Variants in PLXNB1 observed in about 807,000 individuals in gnomAD.
The protein encoded by PLXNB1 is plexin B1, also known as plexin-B1.
PLXNB1 carries 106 observed loss-of-function variants against 209.4 expected under a neutral mutation model. The ratio of observed to expected loss-of-function variants is 0.51; its 90% CI spans 0.43 to 0.59. The LOEUF is 0.59. PLXNB1 is among the 20% of genes least tolerant of loss of function. The pLI, the probability that PLXNB1 is intolerant of heterozygous loss-of-function variation, is 0.00. For synonymous variants in PLXNB1, 1,167 were observed against 1,183.2 expected (o/e 0.99, Z 0.28); for missense variants, 2,357 against 2,853.2 (o/e 0.83, Z 3.96).
Position 48,412,271 on chromosome 3 carries a change from G to A in PLXNB1, c.5067C>T (p.Asn1689=), listed in dbSNP as rs774476892. 1 of 1,614,128 alleles carries A rather than the reference G, an allele frequency of 6.2e-7. No individual in the cohort carries two copies. Among genetic ancestry groups the A allele is most frequent in the East Asian group, 2.2e-5 (1 of 44,888 alleles). Residue 1689 remains asparagine, a synonymous_variant, in exon 27 of 38, where the codon AAC becomes AAT. Transcript: ENST00000296440. ...TETVVEKLLT[N]WMSICLYTFV... ...AGGTATACAGACAGATGGACATCCA[G>A]TTGGTGAGCAGCTTCTCCACCACAG...
chr3:48,427,924 G>A (rs2038979775), intron 1 of PLXNB1, among the ~76,000 whole-genome samples: 1 of 152,202 alleles, frequency 6.6e-6, no homozygotes, highest in African/African-American at 2.4e-5. Flanking sequence ...TACAATGGGA[G>A]GCAGGATTGC....
chr3:48,405,786 C>G lies in PLXNB1; in HGVS notation c.6241G>C (p.Asp2081His), dbSNP rs878874761. Residue 2081 changes from aspartate (D) to histidine (H), a missense_variant, in exon 37 of 38, where the codon GAC becomes CAC. Asp to His is a moderately conservative substitution (Grantham distance 81). Transcript: ENST00000296440. This position sits in a 1 kb window ranked among gnomAD's most constrained non-coding sequence, Gnocchi z 5.0. Reference sequence around the variant, plus strand: ...TGCAGGGCCACTCGCGCCCCGAGGTCTCCGGAGTAGTTCTAGGGAAGAGGC... The same window carrying G: ...TGCAGGGCCACTCGCGCCCCGAGGTGTCCGGAGTAGTTCTAGGGAAGAGGC... ...LAELSWNYSG[D>H]LGARVALHEL... 9 of 1,613,532 alleles carry G rather than the reference C, an allele frequency of 5.6e-6. No homozygotes were observed. The highest frequency in any genetic ancestry group is 3.3e-5 in the South Asian group (3 of 91,042).
rs888089574 is a variant in PLXNB1 at position 48,429,541 on chromosome 3, G to T, written c.-60+467C>A. ...GCCCGGGCCAGGCCGGAAGCAGCCC[G>T]GAGAGCCGGGCGCGCGGCCCCGAAC... is the stretch of plus-strand genomic sequence containing the variant. On this transcript the variant is annotated intron_variant, in intron 1 of 37. Coordinates refer to ENST00000296440, the MANE Select transcript of PLXNB1 (RefSeq NM_001130082.3). The surrounding 1 kb of genome is among the most constrained non-coding windows in gnomAD (Gnocchi z 6.4). 1.3e-5 allele frequency: 2 copies of T among 151,290 alleles called. No homozygotes were observed. Among genetic ancestry groups the T allele is most frequent in the African/African-American group, 4.8e-5 (2 of 41,302 alleles). The allele number at this position is 151,290 out of a possible 1,614,324, so 9.4% of individuals were successfully genotyped here.
rs1004137240 is a variant in PLXNB1 at position 48,417,568 on chromosome 3, C to T, written c.3374+343G>A. On this transcript the variant is annotated intron_variant, in intron 16 of 37. Transcript: ENST00000296440. This position sits in a 1 kb window ranked among gnomAD's most constrained non-coding sequence, Gnocchi z 4.4. ...GAGTGAGCTGGTGAGAAGGCCAGCC[C>T]CTGAGCTTATCTGTCTGATCTGAGG... Among the ~76,000 whole-genome samples the T allele has an allele frequency of 2.6e-5, 4 of 152,158 alleles. No homozygotes were observed. The highest frequency in any genetic ancestry group is 9.7e-5 in the African/African-American group (4 of 41,442).
rs368207595 is a variant in PLXNB1, at chr3:48,415,370, G to T, written c.3795-23C>A. ...CCACTGAAACAGACCGTGAGCTTAC[G>T]TAACGTAAGATGGCTTATGTTACCT... On this transcript the variant is annotated intron_variant, in intron 19 of 37. Coordinates refer to ENST00000296440, the MANE Select transcript of PLXNB1 (RefSeq NM_001130082.3). This position sits in a 1 kb window ranked among gnomAD's most constrained non-coding sequence, Gnocchi z 5.0. The T allele has an allele frequency of 6.2e-7, 1 of 1,607,660 alleles. No individual in the cohort carries two copies.
Position 48,409,095 on chromosome 3 carries a change from C to A in PLXNB1, c.6087+234G>T, listed in dbSNP as rs2037485558. ...GCCTGGCCAGCATTCTATGCCCCAG[C>A]CACACCAGGCTGTACTTGCTGCACA... On this transcript the variant is annotated intron_variant, in intron 34 of 37. Transcript: ENST00000296440. The surrounding 1 kb of genome is among the most constrained non-coding windows in gnomAD (Gnocchi z 5.8). 1.3e-5 allele frequency among the ~76,000 whole-genome samples: 2 copies of A among 152,248 alleles called. No homozygotes were observed. Among genetic ancestry groups the A allele is most frequent in the Admixed American group, 1.3e-4 (2 of 15,284 alleles).
chr3:48,428,663 T>C (rs943500391), intron 1 of PLXNB1, among the ~76,000 whole-genome samples: 2 of 152,174 alleles, frequency 1.3e-5, no homozygotes, highest in Non-Finnish European at 2.9e-5. Flanking sequence ...AGGTGAGTTA[T>C]TCATTGACAG....
Position 48,429,031 on chromosome 3 carries a change from A to C in PLXNB1, c.-60+977T>G, listed in dbSNP as rs2039046593. On this transcript the variant is annotated intron_variant, in intron 1 of 37. Transcript: ENST00000296440. The surrounding 1 kb of genome is among the most constrained non-coding windows in gnomAD (Gnocchi z 6.4). ...CCGGTCCCCGGCGGCGACGGCGAGGAGGGGGCGCGGAGGAGCAGCTCCACC... is the reference window on the plus strand; with the variant it reads ...CCGGTCCCCGGCGGCGACGGCGAGGCGGGGGCGCGGAGGAGCAGCTCCACC... Among the ~76,000 whole-genome samples the C allele has an allele frequency of 6.6e-6, 1 of 152,060 alleles. No individual in the cohort carries two copies. The highest frequency in any genetic ancestry group is 1.5e-5 in the Non-Finnish European group (1 of 67,984).
intron 25 of PLXNB1, 36 bp from the exon 26 acceptor site, chr3:48,412,656 A>AG (rs1342226368): frequency 1.2e-6 from 2 of 1,606,354 alleles, no homozygotes; most frequent in Admixed American, 3.3e-5. Context: ...AAAGGGGTTT[A>AG]GGGGGACAGA....
In PLXNB1 at chr3:48,414,056, G is replaced by C; in HGVS notation, c.4225C>G (p.Leu1409Val). The C allele has an allele frequency of 6.2e-7, 1 of 1,613,832 alleles. No homozygotes were observed. Among genetic ancestry groups the C allele is most frequent in the Non-Finnish European group, 8.5e-7 (1 of 1,179,868 alleles). Reference protein sequence around the residue: ...VFSVEGENLDLAMSKEEVVAM... With the variant: ...VFSVEGENLDVAMSKEEVVAM... Reference sequence around the variant, plus strand: ...ACCACCTCCTCCTTGGACATTGCAAGGTCCAGGTTCTCCCCCTGGAACAGA... The same window carrying C: ...ACCACCTCCTCCTTGGACATTGCAACGTCCAGGTTCTCCCCCTGGAACAGA... The change falls in exon 22 of 38, where the codon CTT (leucine) becomes GTT (valine). Residue 1409 changes from leucine (L) to valine (V), a missense_variant. This residue lies in a region of PLXNB1 where 743 missense variants were observed against 896.2 expected (regional missense o/e 0.83). Coordinates refer to ENST00000296440, the MANE Select transcript of PLXNB1 (RefSeq NM_001130082.3).
chr3:48,420,561 A>AGGACAGAGCCTCACATAGGC, intron 10 of PLXNB1, 104 bp downstream of exon 10: 1 of 905,950 alleles, frequency 1.1e-6, no homozygotes, highest in South Asian at 1.5e-5. Context: ...TCTGGTGCTC[A>AGGACAGAGCCTCACATAGGC]GGACAGAGCC....
At chr3:48,412,092 A>C (rs2037720348) in intron 27 of PLXNB1, 83 bp from the exon 28 acceptor site, 1 of 1,534,204 alleles carries the variant, frequency 6.5e-7, no homozygotes, top group Admixed American at 1.7e-5. Flanking sequence ...AGGGGACAGG[A>C]CATGGGCTTA....
chr3:48,404,666 A>G (rs2037205123), intron 37 of PLXNB1, 76 bp from the exon 38 acceptor site: 2 of 956,754 alleles, frequency 2.1e-6, no homozygotes, highest in Non-Finnish European at 3.2e-6. Flanking sequence ...CAGCCCTCCT[A>G]AGACGCTGTG....
Position 48,423,653 on chromosome 3 carries a change from G to A in PLXNB1, c.959C>T (p.Ala320Val). ...CTCATCCAGGGGGAAGGCACAGAGG[G>A]CAGAGGCTCCAGATGCCCCAGCAGC... is the stretch of plus-strand genomic sequence containing the variant. ...SAAAGASGAS[A>V]LCAFPLDEVD... is the part of the protein sequence containing the mutation. Residue 320 changes from alanine to valine, a missense_variant, in exon 3 of 38, where the codon GCC becomes GTC. Transcript: ENST00000296440. 1 of 1,614,020 alleles carries A rather than the reference G, an allele frequency of 6.2e-7. No individual in the cohort carries two copies. Among genetic ancestry groups the A allele is most frequent in the Admixed American group, 1.7e-5 (1 of 60,034 alleles).
intron 34 of PLXNB1, among the ~76,000 whole-genome samples, chr3:48,408,399 GC>G (rs1438030712): frequency 2.0e-5 from 3 of 152,176 alleles, no homozygotes; most frequent in Non-Finnish European, 4.4e-5. Flanking sequence ...GCTAAGCAGA[GC>G]CCCACTCATG....
chr3:48,416,105 G>C lies in PLXNB1; in HGVS notation c.3543C>G (p.Thr1181=). The change falls in exon 18 of 38, where the codon ACC becomes ACG. Residue 1181 remains threonine, a synonymous_variant. Transcript: ENST00000296440. This position sits in a 1 kb window ranked among gnomAD's most constrained non-coding sequence, Gnocchi z 4.1. ...CAGTCAGGAGCTTGGAGCCATTCAGGGTGAGACGGGTGCCCCCAGCTCTGG... is the reference window on the plus strand; with the variant it reads ...CAGTCAGGAGCTTGGAGCCATTCAGCGTGAGACGGGTGCCCCCAGCTCTGG... ...RGPRAGGTRL[T]LNGSKLLTGR... is the part of the protein sequence containing the mutation. 1 of 1,599,086 alleles carries C rather than the reference G, an allele frequency of 6.3e-7. No homozygotes were observed.
rs374562347 is a variant in PLXNB1 at position 48,424,039 on chromosome 3, C to T, written c.573G>A (p.Pro191=). Reference sequence around the variant, plus strand: ...AGGAGAAGGCAGCTTGGGGGTCGGGCGGCCACAGGGCCCGGGTTGTGATGG... The same window carrying T: ...AGGAGAAGGCAGCTTGGGGGTCGGGTGGCCACAGGGCCCGGGTTGTGATGG... ...IPPITTRALW[P]PDPQAAFSYE... Residue 191 remains proline, a synonymous_variant, in exon 3 of 38, where the codon CCG becomes CCA. Transcript: ENST00000296440. 112 of 1,601,024 alleles carry T rather than the reference C, an allele frequency of 7.0e-5. No homozygotes were observed. Among genetic ancestry groups the T allele is most frequent in the Admixed American group, 2.7e-4 (16 of 58,428 alleles).
intron 27 of PLXNB1, 101 bp from the exon 28 acceptor site, chr3:48,412,110 T>G: frequency 6.7e-7 from 1 of 1,485,522 alleles, no homozygotes; most frequent in Non-Finnish European, 9.4e-7. Flanking sequence ...TTAAGGGGAC[T>G]GAGGACAGGC....
chr3:48,420,045 G>A lies in PLXNB1; in HGVS notation c.2241C>T (p.Ser747=), dbSNP rs750687827. 6 of 1,611,920 alleles carry A rather than the reference G, an allele frequency of 3.7e-6. No individual in the cohort carries two copies. The highest frequency in any genetic ancestry group is 1.7e-5 in the Admixed American group (1 of 59,920). Residue 747 remains serine, a synonymous_variant, in exon 11 of 38, where the codon TCC becomes TCT. Coordinates refer to ENST00000296440, the MANE Select transcript of PLXNB1 (RefSeq NM_001130082.3). ...GGAGAGGCGACCCTGTGGAGCCAGG[G>A]GAAGATATGGAGCCAGAACCTGCCC... is the stretch of plus-strand genomic sequence containing the variant. ...GPWAGSGSIS[S]PGSTGSPLHE... is the part of the protein sequence containing the mutation.
Sources: allele counts gnomAD v4.1 joint callset (sites outside exome capture counted in the v4.1 genomes callset), GRCh38; gene constraint gnomAD v4.1.1; regional missense constraint gnomAD v4.1.1; non-coding constraint Gnocchi (gnomAD v3.1); transcripts MANE v1.5; gene names NCBI Gene and HGNC (gene_info 2026-07-23, HGNC 2026-07-21).